Variants in PIKFYVE observed in about 807,000 individuals in gnomAD.
PIKFYVE encodes phosphoinositide kinase, FYVE-type zinc finger containing.
In PIKFYVE, 122 loss-of-function variants were observed where a neutral mutation model predicts 257.9. The observed-to-expected ratio is 0.47, with a 90% CI of 0.41 to 0.55. PIKFYVE has a LOEUF of 0.55. Ranked by LOEUF, PIKFYVE falls within the 20% of genes least tolerant of loss-of-function variation. PIKFYVE has a pLI of 0.00. For missense variants in PIKFYVE, 2,160 were observed against 2,536.6 expected (o/e 0.85, Z 3.19); for synonymous variants, 892 against 868.9 (o/e 1.03, Z -0.47).
chr2:208,347,083 C>T (rs966366278), intron 34 of PIKFYVE, among the ~76,000 whole-genome samples: 2 of 152,156 alleles, frequency 1.3e-5, no homozygotes, highest in South Asian at 4.1e-4. Context: ...CACATAGTTA[C>T]ACACCCCACC....
At chr2:208,347,775 C>T in intron 34 of PIKFYVE, 84 bp from the exon 35 acceptor site, 1 of 1,232,174 alleles carries the variant, frequency 8.1e-7, no homozygotes, top group Non-Finnish European at 1.2e-6. Flanking sequence ...GTGGTTACAA[C>T]TAACAAAGAA....
At chr2:208,294,022 CTCTT>C (rs1177109443) in intron 7 of PIKFYVE, among the ~76,000 whole-genome samples, 1 of 152,070 alleles carries the variant, frequency 6.6e-6, no homozygotes, top group African/African-American at 2.4e-5. Flanking sequence ...GTTCCTTTCT[CTCTT>C]TCTTCTTTTT....
chr2:208,277,389 T>G, intron 4 of PIKFYVE, 148 bp from the exon 5 acceptor site: 1 of 790,118 alleles, frequency 1.3e-6, no homozygotes. Context: ...TCTTCAAGAT[T>G]GTCTTGGTTA....
rs375370060 is a variant in PIKFYVE at position 208,273,550 on chromosome 2, T to C, written c.173-34T>C. The C allele has an allele frequency of 8.7e-6, 14 of 1,613,610 alleles. No individual in the cohort carries two copies. In the African/African-American group the frequency reaches 1.7e-4, roughly 20 times the overall value. On this transcript the variant is annotated intron_variant, in intron 2 of 41. Transcript: ENST00000264380. The stretch of plus-strand genomic sequence containing the variant: ...TTCCTTCTCATTGCTGAACTCTCAG[T>C]CTTTAAATAATGCCAAGCGTTCCCT...
At chr2:208,304,053 A>T in intron 10 of PIKFYVE, 118 bp from the exon 11 acceptor site, 1 of 1,257,588 alleles carries the variant, frequency 8.0e-7, no homozygotes. Flanking sequence ...GTTTATTTTT[A>T]TAAAATTCAA....
intron 7 of PIKFYVE, among the ~76,000 whole-genome samples, chr2:208,297,716 T>C (rs1193024973): frequency 1.3e-5 from 2 of 152,186 alleles, no homozygotes; most frequent in African/African-American, 2.4e-5. Flanking sequence ...GTCTAACATA[T>C]CATAGGTGCT....
chr2:208,332,658 C>G (rs1222785914), intron 23 of PIKFYVE, among the ~76,000 whole-genome samples: 1 of 152,034 alleles, frequency 6.6e-6, no homozygotes, highest in Non-Finnish European at 1.5e-5. Context: ...GGAAAATATT[C>G]ACGATATATT....
intron 13 of PIKFYVE, among the ~76,000 whole-genome samples, chr2:208,312,520 A>G (rs528031695): frequency 5.1e-4 from 78 of 152,360 alleles, no homozygotes; most frequent in Middle Eastern, 3.4e-3. Context: ...TGATGTGAAA[A>G]GTAATTGTTT....
chr2:208,339,491 T>A lies in PIKFYVE; in HGVS notation c.4746T>A (p.Pro1582=). The A allele has an allele frequency of 6.2e-7, 1 of 1,614,164 alleles. No individual in the cohort carries two copies. Among genetic ancestry groups the A allele is most frequent in the South Asian group, 1.1e-5 (1 of 91,086 alleles). Residue 1582 remains proline, a synonymous_variant, in exon 30 of 42, where the codon CCT becomes CCA. Coordinates refer to ENST00000264380, the MANE Select transcript of PIKFYVE (RefSeq NM_015040.4). ...SSTHLQLPTP[P]EVMSEQSVGG... ...CTCATCTCCAATTGCCTACGCCACC[T>A]GAAGTCATGTCTGAACAGTCAGTGG...
chr2:208,327,352 A>G lies in PIKFYVE; in HGVS notation c.3619-828A>G, dbSNP rs532083564. Among the ~76,000 whole-genome samples the G allele has an allele frequency of 2.6e-5, 4 of 152,310 alleles. No individual in the cohort carries two copies. In the South Asian group the frequency reaches 8.3e-4, roughly 32 times the overall value. Reference sequence around the variant, plus strand: ...CCAGGACTCCAACTTTTTATAATCTATCCTGCAGAAATAATTAAGTATGCT... The same window carrying G: ...CCAGGACTCCAACTTTTTATAATCTGTCCTGCAGAAATAATTAAGTATGCT... On this transcript the variant is annotated intron_variant, in intron 20 of 41. Transcript: ENST00000264380.
At position 208,338,650 on chromosome 2, in the gene PIKFYVE, C is replaced by T. The variant is rs1698405815; in HGVS notation, c.4672+82C>T. The T allele has an allele frequency of 2.2e-6, 3 of 1,391,276 alleles. No individual in the cohort carries two copies. The African/African-American group carries it at 4.3e-5, about 20-fold the overall frequency. The allele number at this position is 1,391,276 out of a possible 1,614,324, so 86.2% of individuals were successfully genotyped here. A position where few individuals can be genotyped will look rare whatever the true frequency, so the allele number is the denominator to read the frequency against. ...TATAAGTTGTTTTAAACTGTTTGAG[C>T]AGTTTTTCCGATGCTGTTGTTCATA... On this transcript the variant is annotated intron_variant, in intron 29 of 41. Transcript: ENST00000264380.
chr2:208,329,118 A>G (rs1331113305), intron 21 of PIKFYVE, among the ~76,000 whole-genome samples: 2 of 152,210 alleles, frequency 1.3e-5, no homozygotes, highest in African/African-American at 2.4e-5. Flanking sequence ...CCTCACACAG[A>G]CATACATAGC....
Position 208,302,299 on chromosome 2 carries a change from T to C in PIKFYVE, c.1266T>C (p.Val422=). 6.2e-7 allele frequency: 1 copy of C among 1,614,172 alleles called. No individual in the cohort carries two copies. The highest frequency in any genetic ancestry group is 2.2e-5 in the East Asian group (1 of 44,868). The stretch of plus-strand genomic sequence containing the variant: ...TTGATGGACGTTGGCTGGATTGTGT[T>C]AGTCATCACGACCAGCTTTTCAGAG... ...AMVDGRWLDC[V]SHHDQLFRDE... The change falls in exon 10 of 42, where the codon GTT becomes GTC. Residue 422 remains valine (V), a synonymous_variant. Transcript: ENST00000264380.
intron 7 of PIKFYVE, among the ~76,000 whole-genome samples, chr2:208,296,583 A>G (rs186376908): frequency 6.6e-6 from 1 of 152,316 alleles, no homozygotes; most frequent in Non-Finnish European, 1.5e-5. Context: ...GGATGTTGTC[A>G]TCATGTGTAT....
chr2:208,287,903 A>G (rs1272735552), intron 6 of PIKFYVE, among the ~76,000 whole-genome samples: 1 of 151,720 alleles, frequency 6.6e-6, no homozygotes, highest in Non-Finnish European at 1.5e-5. Context: ...CTTTTCTTAC[A>G]TTGCTTCATG....
chr2:208,309,597 A>G (rs1694732919), intron 12 of PIKFYVE, among the ~76,000 whole-genome samples: 1 of 152,220 alleles, frequency 6.6e-6, no homozygotes. Flanking sequence ...AAGCTGGACT[A>G]TTTAAAATGG....
intron 29 of PIKFYVE, 90 bp downstream of exon 29, chr2:208,338,658 C>A: frequency 7.8e-7 from 1 of 1,283,770 alleles, no homozygotes. Context: ...AGCAGTTTTT[C>A]CGATGCTGTT....
intron 38 of PIKFYVE, 38 bp downstream of exon 38, chr2:208,351,493 G>A: frequency 6.6e-7 from 1 of 1,518,740 alleles, no homozygotes; most frequent in Non-Finnish European, 9.1e-7. Context: ...TCAAAGTTTG[G>A]TGGCTTTTTT....
chr2:208,327,912 T>C (rs540556413), intron 20 of PIKFYVE, among the ~76,000 whole-genome samples: 1 of 152,344 alleles, frequency 6.6e-6, no homozygotes, highest in Admixed American at 6.5e-5. Context: ...AATAATTTAG[T>C]GCAGTTGTGT....
Sources: gnomAD v4.1 joint callset for allele counts (sites outside exome capture counted in the v4.1 genomes callset) on GRCh38, gnomAD v4.1.1 for gene constraint, MANE v1.5 for transcripts, NCBI Gene and HGNC (gene_info 2026-07-23, HGNC 2026-07-21) for gene names.